The following SHISA9 variants were observed in gnomAD, a reference collection of about 807,000 sequenced individuals.
SHISA9 encodes shisa family member 9.
SHISA9 carries 13 observed loss-of-function variants against 38.0 expected under a neutral mutation model. That is an observed-to-expected ratio of 0.34 (90% confidence interval 0.22 to 0.54). The LOEUF (loss-of-function observed/expected upper bound fraction) is 0.54. Ranked by LOEUF, SHISA9 falls within the 20% of genes least tolerant of loss-of-function variation. The pLI is 0.91. For missense variants in SHISA9, 538 were observed against 575.8 expected, an observed-to-expected ratio of 0.93 and a Z score of 0.67; for synonymous variants, 275 against 242.0, an observed-to-expected ratio of 1.14 and a Z score of -1.27.
chr16:13,170,663 T>A (rs897943996), intron 2 of SHISA9, among the ~76,000 whole-genome samples: 2 of 152,212 alleles, frequency 1.3e-5, no homozygotes, highest in African/African-American at 4.8e-5. Context: ...TTTGTTTGTT[T>A]GTTTGTTTTT....
At chr16:13,180,048 A>G (rs1316920959) in intron 2 of SHISA9, among the ~76,000 whole-genome samples, 2 of 152,224 alleles carry the variant, frequency 1.3e-5, no homozygotes, top group African/African-American at 4.8e-5. Context: ...TGGCTAATCA[A>G]GTTTCTTAAC....
In SHISA9 at chr16:13,240,161, TC is replaced by T. The variant is rs1162564486; in HGVS notation, c.*4756del. 1.3e-5 allele frequency: 2 copies of T among 152,380 alleles called. No homozygotes were observed. The highest frequency in any genetic ancestry group is 4.8e-5 in the African/African-American group (2 of 41,582). 9.4% of individuals were successfully genotyped at this position (152,380 alleles called of 1,614,324 possible). ...CATCTGCCTTGGGCTCCGCCTGGCC[TC>T]CCCATCTAACTCTTCCCAGTTTTTT... On this transcript the variant is annotated 3_prime_UTR_variant, in exon 5 of 5. Transcript: ENST00000558583.
intron 2 of SHISA9, among the ~76,000 whole-genome samples, chr16:12,994,309 G>C (rs1391675015): frequency 6.6e-6 from 1 of 152,164 alleles, no homozygotes; most frequent in Non-Finnish European, 1.5e-5. Flanking sequence ...AATATGTTTT[G>C]GAGGTCACTG....
At chr16:13,491,010 A>G in the SHISA9 span, among the ~76,000 whole-genome samples, 1 of 152,184 alleles carries the variant, frequency 6.6e-6, no homozygotes, top group South Asian at 2.1e-4. Context: ...AGGTTCAACT[A>G]ATTGGTGTTA....
rs143220242 is a variant in SHISA9 at position 12,910,646 on chromosome 16, A to G, written c.564-6042A>G. On this transcript the variant is annotated intron_variant, in intron 1 of 4. Transcript: ENST00000558583. ...TGTTTCAACATAATTGTTGTTTTAA[A>G]CAAACAATTTTGTTTCAACATAATT... The G allele has an allele frequency of 4.9e-5, 48 of 985,406 alleles. 1 individual carries two copies. The African/African-American group carries it at 8.4e-4, about 17-fold the overall frequency. The allele number at this position is 985,406 out of a possible 1,614,324, so 61.0% of individuals were successfully genotyped here.
chr16:13,509,716 A>C, the SHISA9 span, among the ~76,000 whole-genome samples: 3 of 152,226 alleles, frequency 2.0e-5, no homozygotes, highest in Non-Finnish European at 4.4e-5. Flanking sequence ...AATGTGGAAT[A>C]TCACTTATTA....
At chr16:13,558,500 C>A in the SHISA9 span, among the ~76,000 whole-genome samples, 1 of 152,140 alleles carries the variant, frequency 6.6e-6, no homozygotes, top group Non-Finnish European at 1.5e-5. Flanking sequence ...ACATTTTTAT[C>A]AATCAATCAA....
At chr16:12,920,590 A>G (rs2071315258) in intron 2 of SHISA9, among the ~76,000 whole-genome samples, 2 of 152,176 alleles carry the variant, frequency 1.3e-5, no homozygotes, top group South Asian at 2.1e-4. Context: ...GCATGCCTGT[A>G]TGGAAACATC....
chr16:13,250,958 G>T, the SHISA9 span, among the ~76,000 whole-genome samples: 2 of 152,188 alleles, frequency 1.3e-5, no homozygotes, highest in East Asian at 3.9e-4. Context: ...GTGGACTACT[G>T]TTGAGAATCA....
At chr16:13,428,109 A>C in the SHISA9 span, among the ~76,000 whole-genome samples, 2 of 152,228 alleles carry the variant, frequency 1.3e-5, no homozygotes, top group Non-Finnish European at 2.9e-5. Context: ...ACTGGCAAAC[A>C]TCCAAGCCAA....
the SHISA9 span, among the ~76,000 whole-genome samples, chr16:13,548,072 G>A: frequency 6.8e-4 from 103 of 152,198 alleles, no homozygotes; most frequent in Non-Finnish European, 1.1e-3. Flanking sequence ...TGCACTTAAA[G>A]CCAGCCAATT....
At chr16:13,471,847 A>C in the SHISA9 span, among the ~76,000 whole-genome samples, 1 of 152,220 alleles carries the variant, frequency 6.6e-6, no homozygotes, top group Non-Finnish European at 1.5e-5. Flanking sequence ...AGAATATCAG[A>C]TACAGGTCAG....
intron 2 of SHISA9, among the ~76,000 whole-genome samples, chr16:12,941,976 C>T (rs950717100): frequency 1.9e-4 from 29 of 152,092 alleles, no homozygotes; most frequent in African/African-American, 4.3e-4. Context: ...GGCACAGTGG[C>T]GGGTTTTGTT....
intron 2 of SHISA9, among the ~76,000 whole-genome samples, chr16:13,061,423 C>T (rs2073374542): frequency 6.6e-6 from 1 of 152,160 alleles, no homozygotes; most frequent in African/African-American, 2.4e-5. Context: ...AAGCAGTCTG[C>T]AAGTCGCTTC....
At chr16:13,060,769 CCAGGAAGCT>C (rs927081837) in intron 2 of SHISA9, among the ~76,000 whole-genome samples, 5 of 152,090 alleles carry the variant, frequency 3.3e-5, no homozygotes, top group African/African-American at 1.2e-4. Context: ...CCCGCCTAGG[CCAGGAAGCT>C]TTAAAATTAT....
chr16:13,524,755 T>A, the SHISA9 span, among the ~76,000 whole-genome samples: 4 of 151,538 alleles, frequency 2.6e-5, no homozygotes, highest in East Asian at 7.8e-4. Flanking sequence ...TTTTAAGAGA[T>A]AGGGTCTTGC....
In SHISA9 at chr16:12,914,618, A is replaced by G. The variant is rs534091419; in HGVS notation, c.564-2070A>G. Reference sequence around the variant, plus strand: ...CTTCTCACAACGCAGCTGTTGTGAGAAGCATGTGCACTAGTCCACGTAAAG... The same window carrying G: ...CTTCTCACAACGCAGCTGTTGTGAGGAGCATGTGCACTAGTCCACGTAAAG... On this transcript the variant is annotated intron_variant, in intron 1 of 4. Transcript: ENST00000558583. Among the ~76,000 whole-genome samples the G allele has an allele frequency of 1.2e-3, 180 of 152,194 alleles. 2 individuals carry two copies. The highest frequency in any genetic ancestry group is 4.3e-4 in the Non-Finnish European group (29 of 67,996).
the SHISA9 span, among the ~76,000 whole-genome samples, chr16:13,333,926 T>C: frequency 4.6e-5 from 7 of 152,308 alleles, 1 homozygote; most frequent in East Asian, 7.7e-4. Context: ...GGTTGTTTCA[T>C]CTAGCTCCAG....
At chr16:13,517,252 C>A in the SHISA9 span, among the ~76,000 whole-genome samples, 2 of 152,254 alleles carry the variant, frequency 1.3e-5, no homozygotes, top group East Asian at 3.9e-4. Context: ...GAGACAAGCA[C>A]GAAATTGACT....
Sources: allele counts gnomAD v4.1 joint callset (sites outside exome capture counted in the v4.1 genomes callset), GRCh38; gene constraint gnomAD v4.1.1; transcripts MANE v1.5; gene names NCBI Gene and HGNC (gene_info 2026-07-23, HGNC 2026-07-21).